SLAMF1: variants seen among roughly 807,000 people sequenced by gnomAD.
The protein encoded by SLAMF1 is signaling lymphocytic activation molecule family member 1, also known as signaling lymphocytic activation molecule.
SLAMF1 carries 18 observed loss-of-function variants against 35.1 expected under a neutral mutation model. The observed-to-expected ratio is 0.51, with a 90% CI of 0.35 to 0.76. The LOEUF is 0.76. Among genes scored for constraint, SLAMF1 ranks in the 30% least tolerant of loss-of-function variants. The pLI is 0.01. For missense variants in SLAMF1, 392 were observed against 413.0 expected, an observed-to-expected ratio of 0.95 and a Z score of 0.44; for synonymous variants, 168 against 157.2, an observed-to-expected ratio of 1.07 and a Z score of -0.51.
Position 160,610,250 on chromosome 1 carries a change from G to C in SLAMF1, c.*498C>G, listed in dbSNP as rs1658909025. ...AGCCTCTATTCACTCTTTATCCTGA[G>C]AGAGAAACTGAGGCACAGAGGCTTG... On this transcript the variant is annotated 3_prime_UTR_variant, in exon 7 of 7. Transcript: ENST00000302035. 1 of 456,388 alleles carries C rather than the reference G, an allele frequency of 2.2e-6. No individual in the cohort carries two copies. Among genetic ancestry groups the C allele is most frequent in the African/African-American group, 2.0e-5 (1 of 50,000 alleles). 28.3% of individuals were successfully genotyped at this position (456,388 alleles called of 1,614,324 possible). A position where few individuals can be genotyped will look rare whatever the true frequency, so the allele number is the denominator to read the frequency against.
At chr1:160,635,356 C>T (rs950390688) in intron 2 of SLAMF1, among the ~76,000 whole-genome samples, 8 of 152,008 alleles carry the variant, frequency 5.3e-5, no homozygotes, top group Admixed American at 2.0e-4. Context: ...CGTGCGCGCG[C>T]GCGCATGTAC....
chr1:160,640,044 C>T (rs941044147), intron 1 of SLAMF1, among the ~76,000 whole-genome samples: 1 of 152,096 alleles, frequency 6.6e-6, no homozygotes. Context: ...CAAGAGGCCT[C>T]CTCTGACCAT....
Position 160,624,182 on chromosome 1 carries a change from G to A in SLAMF1, c.704C>T (p.Thr235Ile), listed in dbSNP as rs772051512. Residue 235 changes from threonine (T) to isoleucine (I), a missense_variant, in exon 4 of 7, where the codon ACA becomes ATA. Physicochemically the swap from Thr to Ile is moderately conservative, Grantham distance 89. Coordinates refer to ENST00000302035, the MANE Select transcript of SLAMF1 (RefSeq NM_003037.5). ...CCCAGCATACACTGCCCATGGTTTT[G>A]TTTCTGGAAAAAAAAAGAAGTCAAA... is the stretch of plus-strand genomic sequence containing the variant. ...WPGCRTDPSE[T>I]KPWAVYAGLL... The A allele has an allele frequency of 2.5e-6, 4 of 1,600,996 alleles. No homozygotes were observed. The African/African-American group carries it at 4.1e-5, about 16-fold the overall frequency.
At chr1:160,640,387 TACAC>T (rs1193240229) in intron 1 of SLAMF1, among the ~76,000 whole-genome samples, 1 of 144,514 alleles carries the variant, frequency 6.9e-6, no homozygotes, top group Non-Finnish European at 1.5e-5. Flanking sequence ...TATATATATA[TACAC>T]ACACACATAC....
chr1:160,634,959 C>T (rs1217827552), intron 2 of SLAMF1, 62 bp from the exon 3 acceptor site: 3 of 1,463,996 alleles, frequency 2.0e-6, no homozygotes, highest in African/African-American at 1.4e-5. Context: ...TCTCACTTGA[C>T]CTTTTTGTTA....
rs1210568269 is a variant in SLAMF1, at chr1:160,642,736, TG to T, written c.76+4133del. 6.6e-6 allele frequency among the ~76,000 whole-genome samples: 1 copy of T among 152,168 alleles called. No homozygotes were observed. The highest frequency in any genetic ancestry group is 1.5e-5 in the Non-Finnish European group (1 of 68,014). On this transcript the variant is annotated intron_variant, in intron 1 of 6. Coordinates refer to ENST00000302035, the MANE Select transcript of SLAMF1 (RefSeq NM_003037.5). This position sits in a 1 kb window ranked among gnomAD's most constrained non-coding sequence, Gnocchi z 4.2. ...CTAAGAGGTATATTATGGAAGAAAG[TG>T]GTGGGGACCCTTTTCCCCACTTGCC...
intron 6 of SLAMF1, 61 bp from the exon 7 acceptor site, chr1:160,610,859 A>C (rs972927017): frequency 1.6e-6 from 2 of 1,239,118 alleles, no homozygotes; most frequent in Non-Finnish European, 2.4e-6. Flanking sequence ...CAGAATGCAA[A>C]TGAAAACAGC....
chr1:160,614,886 T>C (rs1295297226), intron 5 of SLAMF1, among the ~76,000 whole-genome samples: 1 of 152,188 alleles, frequency 6.6e-6, no homozygotes, highest in African/African-American at 2.4e-5. Context: ...TTAGGACCAC[T>C]GATTTGTACA....
chr1:160,639,468 C>G (rs1454579680), intron 1 of SLAMF1, among the ~76,000 whole-genome samples: 3 of 152,160 alleles, frequency 2.0e-5, no homozygotes, highest in African/African-American at 7.2e-5. Context: ...CTCAAGTGAT[C>G]TGCCCGCCTC....
At chr1:160,626,186 CA>C (rs747669412) in intron 3 of SLAMF1, among the ~76,000 whole-genome samples, 24 of 152,230 alleles carry the variant, frequency 1.6e-4, no homozygotes, top group Non-Finnish European at 2.2e-4. Context: ...ATAAAACCAA[CA>C]GACAAAGTAG....
intron 2 of SLAMF1, among the ~76,000 whole-genome samples, chr1:160,635,301 A>G (rs1318517286): frequency 6.6e-6 from 1 of 152,100 alleles, no homozygotes; most frequent in Non-Finnish European, 1.5e-5. Flanking sequence ...GTGGGATTTC[A>G]TCTATCGTGA....
intron 5 of SLAMF1, among the ~76,000 whole-genome samples, chr1:160,617,767 T>C (rs1570970774): frequency 6.6e-6 from 1 of 152,152 alleles, no homozygotes; most frequent in Non-Finnish European, 1.5e-5. Context: ...GGTAGTTTTA[T>C]GGTATTAGAA....
intron 5 of SLAMF1, among the ~76,000 whole-genome samples, chr1:160,616,357 A>T (rs1659300829): frequency 6.8e-6 from 1 of 146,520 alleles, no homozygotes; most frequent in African/African-American, 2.5e-5. Context: ...CAAGAATGCT[A>T]TATACCAGCC....
intron 6 of SLAMF1, among the ~76,000 whole-genome samples, chr1:160,611,324 C>T (rs1658973706): frequency 6.6e-6 from 1 of 152,320 alleles, no homozygotes; most frequent in East Asian, 1.9e-4. Context: ...TTAACTATAG[C>T]ATACTGTTTT....
chr1:160,638,340 C>T (rs989080607), intron 1 of SLAMF1, among the ~76,000 whole-genome samples: 5 of 152,058 alleles, frequency 3.3e-5, no homozygotes, highest in African/African-American at 9.7e-5. Context: ...CACTTATTAC[C>T]ACCACTAAAT....
intron 1 of SLAMF1, among the ~76,000 whole-genome samples, chr1:160,645,930 T>G (rs987689465): frequency 6.6e-6 from 1 of 152,004 alleles, no homozygotes; most frequent in Non-Finnish European, 1.5e-5. Flanking sequence ...GGCCTCAGGA[T>G]TTCCCCCCGT....
intron 1 of SLAMF1, among the ~76,000 whole-genome samples, chr1:160,641,662 G>T (rs77181207): frequency 0.016 from 2,422 of 152,110 alleles, 71 homozygotes; most frequent in African/African-American, 0.056. Context: ...ACCTGAGTGT[G>T]TGAGTGTTGG....
intron 5 of SLAMF1, among the ~76,000 whole-genome samples, chr1:160,613,065 A>G (rs1427958032): frequency 2.6e-5 from 4 of 152,108 alleles, no homozygotes; most frequent in Admixed American, 6.5e-5. Context: ...TGTTACTCAC[A>G]CTTCACCGAT....
chr1:160,636,779 C>T (rs116364990), intron 2 of SLAMF1, among the ~76,000 whole-genome samples: 116 of 152,326 alleles, frequency 7.6e-4, no homozygotes, highest in Non-Finnish European at 1.4e-3. Context: ...AATGTGCTAA[C>T]CGCTTCTGGT....
Sources: allele counts gnomAD v4.1 joint callset (sites outside exome capture counted in the v4.1 genomes callset), GRCh38; gene constraint gnomAD v4.1.1; non-coding constraint Gnocchi (gnomAD v3.1); transcripts MANE v1.5; gene names NCBI Gene and HGNC (gene_info 2026-07-23, HGNC 2026-07-21).